Variants in UNC13B observed in about 807,000 individuals in gnomAD.
The protein encoded by UNC13B is unc-13 homolog B, also known as protein unc-13 homolog B.
A neutral mutation model predicts 211.0 loss-of-function variants in UNC13B; 144 were observed. The observed-to-expected ratio is 0.68, with a 90% CI of 0.60 to 0.78. The LOEUF (loss-of-function observed/expected upper bound fraction) is 0.78, where lower values mean the gene tolerates loss of function less well. Ranked by LOEUF, UNC13B falls within the 30% of genes least tolerant of loss-of-function variation. UNC13B has a pLI of 0.00. For synonymous variants in UNC13B, 709 were observed against 725.8 expected (o/e 0.98, Z 0.37); for missense variants, 1,777 against 2,002.0 (o/e 0.89, Z 2.14).
Position 35,403,247 on chromosome 9 carries a change from G to A in UNC13B, c.12565G>A (p.Val4189Ile). 1 of 1,614,150 alleles carries A rather than the reference G, an allele frequency of 6.2e-7. No homozygotes were observed. The highest frequency in any genetic ancestry group is 1.7e-4 in the Middle Eastern group (1 of 6,060). Residue 4189 changes from valine (V) to isoleucine (I), a missense_variant, in exon 38 of 40, where the codon GTC (valine) becomes ATC (isoleucine). Val to Ile is a conservative substitution (Grantham distance 29). Coordinates refer to ENST00000635942, the MANE Select transcript of UNC13B (RefSeq NM_001371189.2). Reference sequence around the variant, plus strand: ...ACACCCTGGTACTGGGGAGCACAAGGTCACAGTGAAAGGTGAGTGATGGAC... The same window carrying A: ...ACACCCTGGTACTGGGGAGCACAAGATCACAGTGAAAGGTGAGTGATGGAC... ...FTHPGTGEHKVTVKVVAANDL... is the reference protein window; with the variant it reads ...FTHPGTGEHKITVKVVAANDL...
rs147799499 is a variant in UNC13B, at chr9:35,389,886, G to A, written c.11135G>A (p.Arg3712Gln). Residue 3712 changes from arginine to glutamine, a missense_variant, in exon 25 of 40, where the codon CGG (arginine) becomes CAG (glutamine). Arg to Gln is a conservative substitution (Grantham distance 43). Coordinates refer to ENST00000635942, the MANE Select transcript of UNC13B (RefSeq NM_001371189.2). ...LPPEEQGPSI[R>Q]NLDFWPKLIT... ...CCAGAGGAACAAGGGCCCAGCATTC[G>A]GAACCTGGATTTCTGGCCCAAGCTC... 35 of 1,614,108 alleles carry A rather than the reference G, an allele frequency of 2.2e-5. No homozygotes were observed. Among genetic ancestry groups the A allele is most frequent in the African/African-American group, 8.0e-5 (6 of 75,024 alleles).
At chr9:35,229,688 CACT>C (rs61512861) in intron 2 of UNC13B, among the ~76,000 whole-genome samples, 149,405 of 151,996 alleles carry the variant, frequency 0.98, 73,476 homozygotes, top group Non-Finnish European at 1. Flanking sequence ...TGGCCTACTG[CACT>C]ACTACTACTA....
At chr9:35,390,460 C>G (rs1051382741) in intron 25 of UNC13B, among the ~76,000 whole-genome samples, 169 bp from the exon 26 acceptor site, 7 of 152,262 alleles carry the variant, frequency 4.6e-5, no homozygotes, top group African/African-American at 1.7e-4. Context: ...TGTCCTGCCA[C>G]TGGCCCCTGG....
chr9:35,309,122 G>T (rs1281308500), intron 9 of UNC13B, among the ~76,000 whole-genome samples: 1 of 151,798 alleles, frequency 6.6e-6, no homozygotes. Context: ...ATCTGCAGAG[G>T]GTACTGTTAT....
rs1425869399 is a variant in UNC13B at position 35,397,204 on chromosome 9, C to G, written c.11570C>G (p.Ser3857Cys). The change falls in exon 29 of 40, where the codon TCT (serine) becomes TGT (cysteine). Residue 3857 changes from serine (S) to cysteine (C), a missense_variant. Ser to Cys is a moderately radical substitution (Grantham distance 112). Transcript: ENST00000635942. The stretch of plus-strand genomic sequence containing the variant: ...TCAGAGCATGCACTCTTTTCCTGCT[C>G]TGTGGTGGATGTCTTCACACAACTC... ...QTSEHALFSC[S>C]VVDVFTQLNQ... is the part of the protein sequence containing the mutation. The G allele has an allele frequency of 3.7e-6, 6 of 1,614,102 alleles. No individual in the cohort carries two copies. The highest frequency in any genetic ancestry group is 2.2e-5 in the East Asian group (1 of 44,896).
At chr9:35,345,807 A>T (rs554674160) in intron 11 of UNC13B, among the ~76,000 whole-genome samples, 1 of 152,330 alleles carries the variant, frequency 6.6e-6, no homozygotes, top group East Asian at 1.9e-4. Context: ...AGTCTCCATT[A>T]TGAGGTATTG....
In UNC13B at chr9:35,398,873, C is replaced by T; in HGVS notation, c.11922-9C>T. ...GGAGGGAAAGGCTACACTGCGGGCACATGTGTAGTTTCCAGGTACGGATTG... is the reference window on the plus strand; with the variant it reads ...GGAGGGAAAGGCTACACTGCGGGCATATGTGTAGTTTCCAGGTACGGATTG... On this transcript the variant is annotated splice_polypyrimidine_tract_variant and intron_variant, in intron 32 of 39. Transcript: ENST00000635942. 6.2e-7 allele frequency: 1 copy of T among 1,612,136 alleles called. No individual in the cohort carries two copies. The highest frequency in any genetic ancestry group is 8.5e-7 in the Non-Finnish European group (1 of 1,178,626).
At chr9:35,164,829 A>G (rs948990403) in intron 1 of UNC13B, among the ~76,000 whole-genome samples, 19 of 152,210 alleles carry the variant, frequency 1.2e-4, no homozygotes, top group African/African-American at 4.3e-4. Flanking sequence ...GTCCACAGTG[A>G]TCTCTTTTTC....
At chr9:35,225,878 C>T (rs954054658) in intron 1 of UNC13B, among the ~76,000 whole-genome samples, 7 of 151,950 alleles carry the variant, frequency 4.6e-5, no homozygotes, top group African/African-American at 1.7e-4. Context: ...CTTGGATCCC[C>T]GCGGTGACGT....
chr9:35,394,042 G>C (rs898066944), intron 26 of UNC13B, among the ~76,000 whole-genome samples: 2 of 152,184 alleles, frequency 1.3e-5, no homozygotes, highest in Non-Finnish European at 2.9e-5. Flanking sequence ...CCAGGTTACA[G>C]ATGGGGGTAA....
chr9:35,353,409 T>C, intron 11 of UNC13B: 1 of 1,232,260 alleles, frequency 8.1e-7, no homozygotes, highest in Non-Finnish European at 1.0e-6. Context: ...AGTGATCGAC[T>C]TCTTGGGACA....
intron 35 of UNC13B, 69 bp downstream of exon 35, chr9:35,399,517 G>A: frequency 6.2e-7 from 1 of 1,610,734 alleles, no homozygotes; most frequent in Non-Finnish European, 8.5e-7. Context: ...GGTGGCTGCG[G>A]GGAAGGAAAT....
In UNC13B at chr9:35,201,360, A is replaced by T. The variant is rs565520843; in HGVS notation, c.23-26655A>T. ...TGATGCTGGCCTCATAAAATGAGTT[A>T]GGGAGGATTCCCTCTTTTTCTATTG... On this transcript the variant is annotated intron_variant, in intron 1 of 39. Coordinates refer to ENST00000635942, the MANE Select transcript of UNC13B (RefSeq NM_001371189.2). Among the ~76,000 whole-genome samples, 3 of 152,322 alleles carry T rather than the reference A, an allele frequency of 2.0e-5. No individual in the cohort carries two copies. In the East Asian group the frequency reaches 5.8e-4, roughly 29 times the overall value.
At chr9:35,352,674 C>T in intron 11 of UNC13B, 1 of 1,232,012 alleles carries the variant, frequency 8.1e-7, no homozygotes, top group Non-Finnish European at 1.0e-6. Flanking sequence ...AACAATTTAT[C>T]AAAGGAAAGT....
At chr9:35,265,969 CAT>C (rs1383813278) in intron 7 of UNC13B, among the ~76,000 whole-genome samples, 1 of 152,072 alleles carries the variant, frequency 6.6e-6, no homozygotes. Flanking sequence ...GGACCACAGT[CAT>C]GTGTCATCAC....
At chr9:35,365,644 TTTCCCACCTACTGTTGTTTC>T (rs759458123) in intron 11 of UNC13B, among the ~76,000 whole-genome samples, 89 of 152,354 alleles carry the variant, frequency 5.8e-4, no homozygotes, top group Non-Finnish European at 1.1e-3. Context: ...TTTTCTGTTA[TTTCCCACCTACTGTTGTTTC>T]TTCCCACCTA....
intron 11 of UNC13B, among the ~76,000 whole-genome samples, chr9:35,348,700 T>A (rs716359): frequency 0.17 from 25,228 of 152,116 alleles, 3,181 homozygotes; most frequent in African/African-American, 0.34. Context: ...GTAAGTACAG[T>A]TCTCTCATTT....
intron 11 of UNC13B, chr9:35,342,181 G>C: frequency 1.0e-6 from 1 of 985,590 alleles, no homozygotes; most frequent in Non-Finnish European, 1.2e-6. Flanking sequence ...AAGCAGTGGT[G>C]CTTTGGCTCA....
rs774046578 is a variant in UNC13B, at chr9:35,386,232, A to C, written c.11033A>C (p.Asn3678Thr). 1 of 1,613,790 alleles carries C rather than the reference A, an allele frequency of 6.2e-7. No individual in the cohort carries two copies. Among genetic ancestry groups the C allele is most frequent in the South Asian group, 1.1e-5 (1 of 91,054 alleles). The change falls in exon 24 of 40, where the codon AAC becomes ACC. Residue 3678 changes from asparagine (N) to threonine (T), a missense_variant. Physicochemically the swap from Asn to Thr is moderately conservative, Grantham distance 65. Transcript: ENST00000635942. ...AAGGATTGTGTGAAGGCCTGTTTGA[A>C]CTCCACATATGAATATATCTTCAAC... ...VVKDCVKACL[N>T]STYEYIFNNC...
Sources: gnomAD v4.1 joint callset for allele counts (sites outside exome capture counted in the v4.1 genomes callset) on GRCh38, gnomAD v4.1.1 for gene constraint, MANE v1.5 for transcripts, NCBI Gene and HGNC (gene_info 2026-07-23, HGNC 2026-07-21) for gene names.